Variants in SPECC1 observed in about 807,000 individuals in gnomAD.
SPECC1 encodes cytospin-B.
In SPECC1, 62 loss-of-function variants were observed where a neutral mutation model predicts 104.1. The ratio of observed to expected loss-of-function variants is 0.60; its 90% CI spans 0.49 to 0.74. The LOEUF (loss-of-function observed/expected upper bound fraction) is 0.74, where lower values mean the gene tolerates loss of function less well. Ranked by LOEUF, SPECC1 falls within the 30% of genes least tolerant of loss-of-function variation. SPECC1 has a pLI of 0.00. For missense variants in SPECC1, 1,306 were observed against 1,310.5 expected, an observed-to-expected ratio of 1.00 and a Z score of 0.05; for synonymous variants, 513 against 501.6, an observed-to-expected ratio of 1.02 and a Z score of -0.30.
At chr17:20,055,054 T>A (rs2045909573) in intron 1 of SPECC1, among the ~76,000 whole-genome samples, 1 of 152,224 alleles carries the variant, frequency 6.6e-6, no homozygotes, top group South Asian at 2.1e-4. Context: ...CTTACTTAAC[T>A]GCAACGTTAT....
At chr17:20,030,463 A>G (rs1283121798) in intron 1 of SPECC1, among the ~76,000 whole-genome samples, 3 of 151,940 alleles carry the variant, frequency 2.0e-5, no homozygotes, top group East Asian at 1.9e-4. Flanking sequence ...TTACTTTACT[A>G]TCTGTAGTAA....
At chr17:20,037,097 A>T (rs1386301855) in intron 1 of SPECC1, among the ~76,000 whole-genome samples, 1 of 152,218 alleles carries the variant, frequency 6.6e-6, no homozygotes, top group Non-Finnish European at 1.5e-5. Context: ...GTACGTTCAT[A>T]TAGTGGGTTA....
At chr17:20,239,137 T>C (rs1245129427) in intron 7 of SPECC1, 3 of 991,952 alleles carry the variant, frequency 3.0e-6, no homozygotes, top group East Asian at 1.3e-4. Context: ...TTTAAAACTC[T>C]AGGGTCTCAG....
chr17:20,038,371 T>A (rs1310102805), intron 1 of SPECC1, among the ~76,000 whole-genome samples: 1 of 134,924 alleles, frequency 7.4e-6, no homozygotes, highest in Non-Finnish European at 1.7e-5. Context: ...CTCTCAGCAT[T>A]GCTTTAACTA....
chr17:20,111,466 T>C (rs2048487478), intron 3 of SPECC1, among the ~76,000 whole-genome samples: 1 of 152,254 alleles, frequency 6.6e-6, no homozygotes, highest in Admixed American at 6.5e-5. Flanking sequence ...GCTTTACCAT[T>C]GTAAATACTG....
At chr17:20,035,610 AT>A (rs931630640) in intron 1 of SPECC1, among the ~76,000 whole-genome samples, 94 of 146,842 alleles carry the variant, frequency 6.4e-4, no homozygotes, top group East Asian at 7.8e-4. Context: ...TAGAGATACA[AT>A]TTTTTTTTTT....
chr17:20,267,182 T>G (rs1050189685), intron 12 of SPECC1, among the ~76,000 whole-genome samples: 10 of 152,232 alleles, frequency 6.6e-5, no homozygotes, highest in African/African-American at 1.9e-4. Flanking sequence ...TACACACTGG[T>G]GTCTTTTTGG....
intron 13 of SPECC1, among the ~76,000 whole-genome samples, chr17:20,304,984 G>GA (rs1190553724): frequency 1.3e-5 from 2 of 151,914 alleles, no homozygotes; most frequent in Non-Finnish European, 2.9e-5. Context: ...GAAACTGTAG[G>GA]AAAAAAACAA....
At chr17:20,295,014 C>CTATTATTAT (rs34174703) in intron 12 of SPECC1, among the ~76,000 whole-genome samples, 59 of 149,324 alleles carry the variant, frequency 4.0e-4, no homozygotes, top group South Asian at 1.1e-3. Flanking sequence ...AGATTCCCAT[C>CTATTATTAT]TATTATTATT....
intron 3 of SPECC1, among the ~76,000 whole-genome samples, chr17:20,158,497 C>A (rs575358231): frequency 2.6e-5 from 4 of 152,254 alleles, no homozygotes; most frequent in African/African-American, 9.6e-5. Context: ...CAGGGAGAGC[C>A]TCAGATAATG....
At chr17:20,229,207 G>C (rs1419678970) in intron 5 of SPECC1, among the ~76,000 whole-genome samples, 1 of 151,942 alleles carries the variant, frequency 6.6e-6, no homozygotes, top group Non-Finnish European at 1.5e-5. Flanking sequence ...TTTTGTTTTT[G>C]GTGACTTTGC....
rs546168349 is a variant in SPECC1, at chr17:20,202,503, C to T, written c.284-1830C>T. ...TAGATTGAGGAATGGTTGCCTGTCG[C>T]TTCAGACAGATGATTCATTTTGCAA... On this transcript the variant is annotated intron_variant, in intron 3 of 14. Transcript: ENST00000395527. Among the ~76,000 whole-genome samples, 141 of 152,260 alleles carry T rather than the reference C, an allele frequency of 9.3e-4. 1 individual carries two copies. Among genetic ancestry groups the T allele is most frequent in the Non-Finnish European group, 1.8e-3 (122 of 68,014 alleles).
At chr17:20,183,263 G>A (rs901490325) in intron 3 of SPECC1, among the ~76,000 whole-genome samples, 17 of 152,190 alleles carry the variant, frequency 1.1e-4, no homozygotes, top group African/African-American at 3.9e-4. Context: ...GTCTACCCCT[G>A]TGGTGTGTGA....
At chr17:20,016,945 A>G (rs2152429015) in intron 1 of SPECC1, among the ~76,000 whole-genome samples, 1 of 152,344 alleles carries the variant, frequency 6.6e-6, no homozygotes, top group Non-Finnish European at 1.5e-5. Context: ...TAAATACACC[A>G]GTCAGCACCC....
At chr17:20,082,893 C>T (rs912206939) in intron 1 of SPECC1, among the ~76,000 whole-genome samples, 1 of 152,126 alleles carries the variant, frequency 6.6e-6, no homozygotes, top group Non-Finnish European at 1.5e-5. Flanking sequence ...CCAGCACCCA[C>T]TGTGCTCACA....
chr17:20,231,392 G>A (rs1384766477), intron 5 of SPECC1, among the ~76,000 whole-genome samples: 2 of 152,190 alleles, frequency 1.3e-5, no homozygotes, highest in Non-Finnish European at 2.9e-5. Flanking sequence ...AGCAATAAAG[G>A]ACACTTAGGA....
At chr17:20,242,687 A>G (rs2039256435) in intron 7 of SPECC1, among the ~76,000 whole-genome samples, 2 of 152,208 alleles carry the variant, frequency 1.3e-5, no homozygotes, top group African/African-American at 2.4e-5. Flanking sequence ...ACATTTATGC[A>G]TTATAGAAAA....
chr17:20,066,682 A>G (rs928638805), intron 1 of SPECC1, among the ~76,000 whole-genome samples: 2 of 152,234 alleles, frequency 1.3e-5, no homozygotes, highest in Non-Finnish European at 2.9e-5. Flanking sequence ...ACTTTCTGCA[A>G]TATAAGCCAT....
intron 13 of SPECC1, among the ~76,000 whole-genome samples, chr17:20,297,879 A>G (rs780245855): frequency 6.6e-6 from 1 of 152,222 alleles, no homozygotes; most frequent in African/African-American, 2.4e-5. Context: ...AGGCAACAAT[A>G]GAGACGTTCT....
Sources: allele counts gnomAD v4.1 joint callset (sites outside exome capture counted in the v4.1 genomes callset), GRCh38; gene constraint gnomAD v4.1.1; transcripts MANE v1.5; gene names NCBI Gene and HGNC (gene_info 2026-07-23, HGNC 2026-07-21).